The following LDLRAD3 variants were observed in gnomAD, a reference collection of about 807,000 sequenced individuals.
LDLRAD3 encodes the protein low density lipoprotein receptor class A domain containing 3.
Under a neutral mutation model 29.4 loss-of-function variants are expected in LDLRAD3, and 20 were observed. That is an observed-to-expected ratio of 0.68 (90% CI 0.48 to 0.99). The LOEUF (loss-of-function observed/expected upper bound fraction) is 0.99. LDLRAD3 is among the 50% of genes least tolerant of loss of function. LDLRAD3 has a pLI of 0.00. For missense variants in LDLRAD3, 420 were observed against 454.3 expected (o/e 0.92, Z 0.69); for synonymous variants, 157 against 192.7 (o/e 0.81, Z 1.53).
intron 2 of LDLRAD3, 49 bp from the exon 3 acceptor site, chr11:36,081,604 C>A (rs767639963): frequency 2.7e-4 from 434 of 1,612,390 alleles, no homozygotes; most frequent in Non-Finnish European, 3.6e-4. Context: ...AGTATGCAGT[C>A]ATCTGAGAAC....
At chr11:36,096,590 G>T (rs980129299) in intron 3 of LDLRAD3, among the ~76,000 whole-genome samples, 1 of 152,248 alleles carries the variant, frequency 6.6e-6, no homozygotes, top group Admixed American at 6.5e-5. Flanking sequence ...CCCTGAGCCT[G>T]TGCTACATGT....
intron 1 of LDLRAD3, among the ~76,000 whole-genome samples, chr11:35,950,836 C>T (rs904630329): frequency 3.9e-5 from 6 of 152,132 alleles, no homozygotes; most frequent in Non-Finnish European, 5.9e-5. Context: ...GTAATCCCAG[C>T]ACTTTGGGGG....
chr11:36,177,666 G>C lies in LDLRAD3; in HGVS notation c.455-49419G>C, dbSNP rs183945444. On this transcript the variant is annotated intron_variant, in intron 4 of 5. Coordinates refer to ENST00000315571, the MANE Select transcript of LDLRAD3 (RefSeq NM_174902.4). ...TGCCTGCAGAGAGTCAAAGAGTCCTGTAATGTGATCCATCTTCACGTCTCT... is the reference window on the plus strand; with the variant it reads ...TGCCTGCAGAGAGTCAAAGAGTCCTCTAATGTGATCCATCTTCACGTCTCT... 3.2e-3 allele frequency among the ~76,000 whole-genome samples: 487 copies of C among 152,318 alleles called. 2 individuals are homozygous for C. Among genetic ancestry groups the C allele is most frequent in the Middle Eastern group, 0.014 (4 of 294 alleles).
chr11:35,995,971 G>A (rs74822989), intron 1 of LDLRAD3, among the ~76,000 whole-genome samples: 1 of 152,182 alleles, frequency 6.6e-6, no homozygotes, highest in South Asian at 2.1e-4. Context: ...TCTCCAGACC[G>A]CTAAAACTTC....
chr11:36,219,127 G>A (rs938687324), intron 4 of LDLRAD3, among the ~76,000 whole-genome samples: 1 of 152,196 alleles, frequency 6.6e-6, no homozygotes, highest in Non-Finnish European at 1.5e-5. Flanking sequence ...TATTGTCCAT[G>A]ACAGCTTTTA....
intron 1 of LDLRAD3, among the ~76,000 whole-genome samples, chr11:36,021,734 C>G (rs183463857): frequency 6.6e-6 from 1 of 152,112 alleles, no homozygotes; most frequent in East Asian, 1.9e-4. Context: ...CTCTGCCTGC[C>G]GGGCTCAAGT....
At chr11:36,209,263 C>T (rs1042759476) in intron 4 of LDLRAD3, among the ~76,000 whole-genome samples, 1 of 151,536 alleles carries the variant, frequency 6.6e-6, no homozygotes, top group African/African-American at 2.4e-5. Flanking sequence ...TACAGTTGTT[C>T]CAAGGTTAAC....
intron 4 of LDLRAD3, 119 bp downstream of exon 4, chr11:36,098,580 T>C: frequency 8.2e-7 from 1 of 1,219,514 alleles, no homozygotes; most frequent in Non-Finnish European, 1.2e-6. Context: ...CTGTTAGTTT[T>C]TGCACTCAGC....
intron 1 of LDLRAD3, among the ~76,000 whole-genome samples, chr11:36,034,878 A>T (rs1208598957): frequency 6.6e-6 from 1 of 152,190 alleles, no homozygotes; most frequent in African/African-American, 2.4e-5. Flanking sequence ...CGCATAAAGG[A>T]TAGTGGCCTG....
intron 3 of LDLRAD3, among the ~76,000 whole-genome samples, chr11:36,093,519 T>C (rs1686349064): frequency 6.6e-6 from 1 of 152,132 alleles, no homozygotes; most frequent in African/African-American, 2.4e-5. Flanking sequence ...CGTAATATAG[T>C]ACAGTACATA....
intron 4 of LDLRAD3, among the ~76,000 whole-genome samples, chr11:36,217,832 GC>G (rs1855372892): frequency 6.6e-6 from 1 of 152,168 alleles, no homozygotes; most frequent in South Asian, 2.1e-4. Flanking sequence ...ACTTCGCATG[GC>G]CTTTGCCCTT....
At chr11:35,989,492 T>C (rs1851661047) in intron 1 of LDLRAD3, among the ~76,000 whole-genome samples, 1 of 152,250 alleles carries the variant, frequency 6.6e-6, no homozygotes, top group East Asian at 1.9e-4. Flanking sequence ...ATGTTGATTA[T>C]TCTAATCCAT....
At chr11:36,206,888 C>T (rs1028703854) in intron 4 of LDLRAD3, among the ~76,000 whole-genome samples, 11 of 151,822 alleles carry the variant, frequency 7.2e-5, no homozygotes, top group Admixed American at 2.0e-4. Flanking sequence ...CCACCAAGCC[C>T]GGGTAATTTC....
chr11:35,956,902 A>AT (rs1415055225), intron 1 of LDLRAD3, among the ~76,000 whole-genome samples: 1 of 151,914 alleles, frequency 6.6e-6, no homozygotes, highest in East Asian at 1.9e-4. Context: ...CGCCCGGCTA[A>AT]TTTTTTGTAT....
Position 36,229,627 on chromosome 11 carries a change from T to TAA in LDLRAD3, c.*230_*231insAA. 7 of 470,874 alleles carry TAA rather than the reference T, an allele frequency of 1.5e-5. No homozygotes were observed. The highest frequency in any genetic ancestry group is 9.6e-5 in the South Asian group (2 of 20,794). 29.2% of individuals were successfully genotyped at this position (470,874 alleles called of 1,614,324 possible). A position where few individuals can be genotyped will look rare whatever the true frequency, so the allele number is the denominator to read the frequency against. Reference sequence around the variant, plus strand: ...TCTTTTCTGTCAGGTCACTCTTCCCTTGGGACCCGAGATCACACCCTCATT... The same window carrying TAA: ...TCTTTTCTGTCAGGTCACTCTTCCCTAATGGGACCCGAGATCACACCCTCATT... On this transcript the variant is annotated 3_prime_UTR_variant, in exon 6 of 6. Coordinates refer to ENST00000315571, the MANE Select transcript of LDLRAD3 (RefSeq NM_174902.4).
At chr11:35,950,953 C>T (rs531036135) in intron 1 of LDLRAD3, among the ~76,000 whole-genome samples, 9 of 151,976 alleles carry the variant, frequency 5.9e-5, no homozygotes, top group African/African-American at 9.7e-5. Context: ...AGTGGTGGCA[C>T]GCACCTGTAA....
In LDLRAD3 at chr11:36,062,487, G is replaced by A. The variant is rs1852716273; in HGVS notation, c.194-19166G>A. Among the ~76,000 whole-genome samples, 3 of 152,180 alleles carry A rather than the reference G, an allele frequency of 2.0e-5. 1 individual carries two copies. In the South Asian group the frequency reaches 6.2e-4, roughly 32 times the overall value. On this transcript the variant is annotated intron_variant, in intron 2 of 5. Transcript: ENST00000315571. ...AAGAAGCCTTTAATTAGGTGCTGCA[G>A]CTTAGGAGATGGGAGCTCAGTCAGT...
intron 1 of LDLRAD3, chr11:36,010,008 C>T (rs192364339): frequency 6.5e-6 from 1 of 154,268 alleles, no homozygotes; most frequent in East Asian, 1.9e-4. Flanking sequence ...AGTGCTCAGG[C>T]CTCAAAAAAT....
At chr11:35,968,525 C>A in intron 1 of LDLRAD3, 1 of 306,228 alleles carries the variant, frequency 3.3e-6, no homozygotes. Context: ...ATGCACGTTA[C>A]TGAGAGGAGT....
Sources: gnomAD v4.1 joint callset for allele counts (sites outside exome capture counted in the v4.1 genomes callset) on GRCh38, gnomAD v4.1.1 for gene constraint, MANE v1.5 for transcripts, NCBI Gene and HGNC (gene_info 2026-07-23, HGNC 2026-07-21) for gene names.